Variants in EXOC6B observed in about 807,000 individuals in gnomAD.
The protein encoded by EXOC6B is SEC15 homolog B.
A neutral mutation model predicts 113.5 loss-of-function variants in EXOC6B; 54 were observed. That is an observed-to-expected ratio of 0.48 (90% CI 0.38 to 0.60). The LOEUF is 0.60. Ranked by LOEUF, EXOC6B falls within the 20% of genes least tolerant of loss-of-function variation. The pLI is 0.00. For missense variants in EXOC6B, 797 were observed against 977.5 expected, an observed-to-expected ratio of 0.82 and a Z score of 2.46; for synonymous variants, 357 against 339.0, an observed-to-expected ratio of 1.05 and a Z score of -0.58.
chr2:72,791,333 G>A (rs1684663971), intron 1 of EXOC6B, among the ~76,000 whole-genome samples: 1 of 152,108 alleles, frequency 6.6e-6, no homozygotes, highest in South Asian at 2.1e-4. Context: ...CACTTGAGCT[G>A]TGGAGTTCAA....
intron 18 of EXOC6B, among the ~76,000 whole-genome samples, chr2:72,443,949 C>T (rs1288621078): frequency 6.6e-6 from 1 of 152,196 alleles, no homozygotes; most frequent in Non-Finnish European, 1.5e-5. Flanking sequence ...CCAACCCTGC[C>T]TTCCCAACAG....
intron 1 of EXOC6B, among the ~76,000 whole-genome samples, chr2:72,773,986 A>T (rs1683550704): frequency 6.6e-6 from 1 of 152,200 alleles, no homozygotes; most frequent in African/African-American, 2.4e-5. Flanking sequence ...CACATCAGTA[A>T]ATTTTTTGTA....
intron 18 of EXOC6B, among the ~76,000 whole-genome samples, chr2:72,388,227 A>G (rs1255407295): frequency 6.6e-6 from 1 of 152,182 alleles, no homozygotes; most frequent in Non-Finnish European, 1.5e-5. Flanking sequence ...GCATCCCACA[A>G]ATTGTGATAA....
At chr2:72,668,786 G>A (rs907935120) in intron 6 of EXOC6B, among the ~76,000 whole-genome samples, 1 of 152,146 alleles carries the variant, frequency 6.6e-6, no homozygotes, top group African/African-American at 2.4e-5. Context: ...AGAATGATAG[G>A]GGCAAGGGCT....
chr2:72,489,210 T>C (rs1699602045), intron 16 of EXOC6B, among the ~76,000 whole-genome samples: 1 of 152,198 alleles, frequency 6.6e-6, no homozygotes, highest in South Asian at 2.1e-4. Flanking sequence ...CCTTTAACCA[T>C]ACTACAAAAT....
chr2:72,404,421 T>C (rs553161445), intron 18 of EXOC6B, among the ~76,000 whole-genome samples: 2 of 152,252 alleles, frequency 1.3e-5, no homozygotes, highest in East Asian at 3.9e-4. Flanking sequence ...TTCAGGTGGG[T>C]CCCTGACCCC....
At chr2:72,529,810 T>C (rs1015552801) in intron 8 of EXOC6B, among the ~76,000 whole-genome samples, 1 of 152,148 alleles carries the variant, frequency 6.6e-6, no homozygotes, top group Non-Finnish European at 1.5e-5. Flanking sequence ...TTCATAGCCA[T>C]AGGGTTATTC....
At chr2:72,600,087 A>G (rs910188974) in intron 6 of EXOC6B, among the ~76,000 whole-genome samples, 1 of 152,194 alleles carries the variant, frequency 6.6e-6, no homozygotes, top group African/African-American at 2.4e-5. Flanking sequence ...AATAGCCAAC[A>G]TAATACTAAC....
chr2:72,462,006 TTTCA>T (rs1175122462), intron 18 of EXOC6B: 1 of 152,076 alleles, frequency 6.6e-6, no homozygotes, highest in African/African-American at 2.4e-5. Context: ...TTCAGAATGA[TTTCA>T]TTAAGATTCT....
chr2:72,405,698 G>A (rs1056915863), intron 18 of EXOC6B, among the ~76,000 whole-genome samples: 18 of 152,122 alleles, frequency 1.2e-4, no homozygotes, highest in African/African-American at 3.6e-4. Context: ...AGCTCCTGAA[G>A]GAAGCACTAA....
intron 6 of EXOC6B, among the ~76,000 whole-genome samples, chr2:72,676,411 C>A (rs1676318140): frequency 6.6e-6 from 1 of 152,074 alleles, no homozygotes; most frequent in Non-Finnish European, 1.5e-5. Flanking sequence ...TTCCAGAGAA[C>A]AATTTAAACA....
intron 18 of EXOC6B, among the ~76,000 whole-genome samples, chr2:72,456,880 A>G (rs1175961181): frequency 6.6e-6 from 1 of 152,108 alleles, no homozygotes; most frequent in African/African-American, 2.4e-5. Flanking sequence ...GGAAGATGTC[A>G]CATCTGGTTA....
intron 1 of EXOC6B, among the ~76,000 whole-genome samples, chr2:72,782,669 T>C (rs945632737): frequency 2.0e-5 from 3 of 152,288 alleles, no homozygotes; most frequent in Non-Finnish European, 2.9e-5. Flanking sequence ...AGCTTCTTTT[T>C]ATTCCCTCCC....
At chr2:72,662,444 A>G (rs1675092087) in intron 6 of EXOC6B, among the ~76,000 whole-genome samples, 1 of 152,204 alleles carries the variant, frequency 6.6e-6, no homozygotes, top group African/African-American at 2.4e-5. Flanking sequence ...ATACATAAAC[A>G]ACTCCCACAA....
At chr2:72,263,685 T>C (rs759120129) in intron 20 of EXOC6B, among the ~76,000 whole-genome samples, 8 of 152,240 alleles carry the variant, frequency 5.3e-5, no homozygotes, top group Non-Finnish European at 1.2e-4. Flanking sequence ...CATTGTTTAC[T>C]GCATGGTAAA....
chr2:72,769,155 G>A (rs1241516824), intron 1 of EXOC6B, among the ~76,000 whole-genome samples: 3 of 152,148 alleles, frequency 2.0e-5, no homozygotes, highest in Non-Finnish European at 4.4e-5. Context: ...GTGAAATACA[G>A]ACATTATTCA....
At chr2:72,222,719 G>A (rs188957856) in intron 20 of EXOC6B, among the ~76,000 whole-genome samples, 22 of 152,196 alleles carry the variant, frequency 1.4e-4, no homozygotes, top group Non-Finnish European at 2.6e-4. Context: ...GGTCATTTTT[G>A]TGGAAAATAT....
intron 19 of EXOC6B, among the ~76,000 whole-genome samples, chr2:72,337,731 C>T (rs545149036): frequency 6.6e-6 from 1 of 152,230 alleles, no homozygotes; most frequent in African/African-American, 2.4e-5. Flanking sequence ...TTAATTTTCA[C>T]ATATAGTTTA....
At chr2:72,678,476 G>A (rs1455626253) in intron 6 of EXOC6B, among the ~76,000 whole-genome samples, 4 of 152,204 alleles carry the variant, frequency 2.6e-5, no homozygotes, top group African/African-American at 9.6e-5. Context: ...GGAAGCCAAG[G>A]TGAGCGGATC....
Sources: gnomAD v4.1 joint callset for allele counts (sites outside exome capture counted in the v4.1 genomes callset) on GRCh38, gnomAD v4.1.1 for gene constraint, MANE v1.5 for transcripts, NCBI Gene and HGNC (gene_info 2026-07-23, HGNC 2026-07-21) for gene names.